ATM: variants seen among roughly 807,000 people sequenced by gnomAD.
The protein encoded by ATM is ATM serine/threonine kinase.
In ATM, 308 loss-of-function variants were observed where a neutral mutation model predicts 387.0. The ratio of observed to expected loss-of-function variants is 0.80; its 90% CI spans 0.73 to 0.87. The LOEUF (loss-of-function observed/expected upper bound fraction) is 0.87, where lower values mean the gene tolerates loss of function less well. Ranked by LOEUF, ATM falls within the 40% of genes least tolerant of loss-of-function variation. The pLI is 0.00. For missense variants in ATM, 3,312 were observed against 3,560.9 expected, an observed-to-expected ratio of 0.93 and a Z score of 1.78; for synonymous variants, 1,156 against 1,187.3, an observed-to-expected ratio of 0.97 and a Z score of 0.54.
At chr11:108,322,607 A>G (rs1312139907) in intron 45 of ATM, among the ~76,000 whole-genome samples, 2 of 152,238 alleles carry the variant, frequency 1.3e-5, no homozygotes, top group Non-Finnish European at 2.9e-5. Context: ...ATGAAATAGT[A>G]TAGTTACTCA....
chr11:108,273,051 G>T (rs2081690491), intron 22 of ATM, among the ~76,000 whole-genome samples, 199 bp downstream of exon 22: 1 of 152,118 alleles, frequency 6.6e-6, no homozygotes, highest in Admixed American at 6.5e-5. Context: ...ATTTATAAAT[G>T]AAAACTGTGA....
intron 15 of ATM, 61 bp from the exon 16 acceptor site, chr11:108,258,925 C>A (rs2135419413): frequency 7.4e-7 from 1 of 1,358,414 alleles, no homozygotes; most frequent in Non-Finnish European, 1.0e-6. Flanking sequence ...AAAACACTGT[C>A]TGCCAAGAAT....
intron 54 of ATM, 35 bp downstream of exon 54, chr11:108,334,003 T>G (rs2086566038): frequency 7.9e-6 from 12 of 1,518,544 alleles, no homozygotes; most frequent in East Asian, 2.3e-5. Context: ...TTTTTTAAAC[T>G]AAATTTTTTT....
chr11:108,286,817 G>A (rs1325668094), intron 26 of ATM, among the ~76,000 whole-genome samples: 1 of 152,056 alleles, frequency 6.6e-6, no homozygotes, highest in Non-Finnish European at 1.5e-5. Flanking sequence ...TTTGTTATTA[G>A]GAAGTATGTT....
chr11:108,228,975 T>C (rs2078873084), intron 3 of ATM, among the ~76,000 whole-genome samples: 4 of 152,220 alleles, frequency 2.6e-5, no homozygotes, highest in Admixed American at 2.6e-4. Context: ...TTAAGAGCTT[T>C]GCAGACCAGA....
At chr11:108,355,013 T>C in intron 61 of ATM, 139 bp downstream of exon 61, 1 of 747,910 alleles carries the variant, frequency 1.3e-6, no homozygotes, top group Non-Finnish European at 2.3e-6. Flanking sequence ...AGGAGGAGAT[T>C]GTGCACTTAG....
At chr11:108,266,193 A>C (rs1237700818) in intron 16 of ATM, among the ~76,000 whole-genome samples, 1 of 149,228 alleles carries the variant, frequency 6.7e-6, no homozygotes, top group Non-Finnish European at 1.5e-5. Flanking sequence ...ACGTATGTTT[A>C]TTGTGGCATT....
rs1429589119 is a variant in ATM, at chr11:108,271,053, T to A, written c.2839-11T>A. The A allele has an allele frequency of 2.5e-6, 4 of 1,610,900 alleles. No individual in the cohort carries two copies. Among genetic ancestry groups the A allele is most frequent in the Non-Finnish European group, 2.5e-6 (3 of 1,177,174 alleles). ...GGATAAACCTGATTTTTTTCCCTCC[T>A]ACCATCTTAGTATCTAATGCTTTTA... On this transcript the variant is annotated splice_polypyrimidine_tract_variant and intron_variant, in intron 18 of 62. Transcript: ENST00000675843.
At chr11:108,314,919 T>A (rs888410172) in intron 40 of ATM, among the ~76,000 whole-genome samples, 6 of 152,208 alleles carry the variant, frequency 3.9e-5, no homozygotes, top group Non-Finnish European at 8.8e-5. Context: ...CTGTCTGAAA[T>A]TGTAGGCAAC....
chr11:108,339,558 G>T (rs1205192710), intron 56 of ATM, among the ~76,000 whole-genome samples: 1 of 152,090 alleles, frequency 6.6e-6, no homozygotes, highest in African/African-American at 2.4e-5. Context: ...CAGATACCCA[G>T]TTGAAATCTT....
rs181272350 is a variant in ATM, at chr11:108,296,427, T to A, written c.4910-860T>A. The stretch of plus-strand genomic sequence containing the variant: ...CACCATGCCCAGCTAATTTTTTGTA[T>A]CTTTAGTAGAGACGGGGTTTCACCA... On this transcript the variant is annotated intron_variant, in intron 32 of 62. Transcript: ENST00000675843. Among the ~76,000 whole-genome samples the A allele has an allele frequency of 1.6e-4, 24 of 152,080 alleles. No homozygotes were observed. The East Asian group carries it at 4.7e-3, about 30-fold the overall frequency.
In ATM at chr11:108,297,357, C is replaced by A. The variant is rs144338238; in HGVS notation, c.4980C>A (p.Asn1660Lys). The A allele has an allele frequency of 6.2e-7, 1 of 1,613,974 alleles. No individual in the cohort carries two copies. Among genetic ancestry groups the A allele is most frequent in the South Asian group, 1.1e-5 (1 of 91,080 alleles). The change falls in exon 33 of 63, where the codon AAC (asparagine) becomes AAA (lysine). Residue 1660 changes from asparagine to lysine, a missense_variant. Asn to Lys is a moderately conservative substitution (Grantham distance 94). Transcript: ENST00000675843. ...TGCAGTTATCCAAGATGGCAATAAACCACACTGGTGAAAAAGAAGTTCTAG... is the reference window on the plus strand; with the variant it reads ...TGCAGTTATCCAAGATGGCAATAAAACACACTGGTGAAAAAGAAGTTCTAG... ...NLLQLSKMAINHTGEKEVLEA... is the reference protein window; with the variant it reads ...NLLQLSKMAIKHTGEKEVLEA...
chr11:108,250,698 T>TC lies in ATM; in HGVS notation c.1236-3_1236-2insC, dbSNP rs730881281. 1 of 1,601,062 alleles carries TC rather than the reference T, an allele frequency of 6.2e-7. No individual in the cohort carries two copies. Among genetic ancestry groups the TC allele is most frequent in the Non-Finnish European group, 8.5e-7 (1 of 1,177,934 alleles). On this transcript the variant is annotated splice_polypyrimidine_tract_variant and splice_region_variant and intron_variant, in intron 9 of 62. Coordinates refer to ENST00000675843, the MANE Select transcript of ATM (RefSeq NM_000051.4). ...TCAAATTATCCTTTTTTTTTTTTTT[T>TC]AGGCTACAGATTGCAACCCAATTAA...
At chr11:108,365,031 T>G (rs1351257434) in intron 61 of ATM, 51 bp from the exon 62 acceptor site, 10 of 1,594,542 alleles carry the variant, frequency 6.3e-6, no homozygotes, top group Non-Finnish European at 8.6e-6. Flanking sequence ...TTTCTAAGTA[T>G]GTGATTAAAA....
chr11:108,300,630 C>T (rs111716860), intron 34 of ATM, among the ~76,000 whole-genome samples: 4 of 152,010 alleles, frequency 2.6e-5, no homozygotes, highest in African/African-American at 4.8e-5. Context: ...GCCATGTTTC[C>T]GTTATTGATT....
At chr11:108,288,220 C>G (rs1237242925) in intron 27 of ATM, among the ~76,000 whole-genome samples, 1 of 151,998 alleles carries the variant, frequency 6.6e-6, no homozygotes, top group Non-Finnish European at 1.5e-5. Flanking sequence ...ACGACAGATG[C>G]ACATCACTGC....
intron 61 of ATM, among the ~76,000 whole-genome samples, chr11:108,364,007 G>A (rs968779986): frequency 6.6e-6 from 1 of 152,070 alleles, no homozygotes. Context: ...AGTCACATAG[G>A]AAACCTTGAA....
Position 108,332,785 on chromosome 11 carries a change from A to C in ATM, c.7812A>C (p.Arg2604Ser), listed in dbSNP as rs1484346818. ...AGGATCGAACAGAGGCTGCAAATAG[A>C]ATAATATGTACTATCAGAAGTAGGA... The part of the protein sequence containing the change: ...LDEDRTEAAN[R>S]IICTIRSRRP... The change falls in exon 53 of 63, where the codon AGA (arginine) becomes AGC (serine). Residue 2604 changes from arginine to serine, a missense_variant. By Grantham distance (110) the Arg-to-Ser change is moderately radical (BLOSUM62 -1). Around this residue, in one of 4 missense-constraint regions of ATM, gnomAD observed 1,405 missense variants for 1,604.4 expected, o/e 0.88. Coordinates refer to ENST00000675843, the MANE Select transcript of ATM (RefSeq NM_000051.4). 6.2e-7 allele frequency: 1 copy of C among 1,613,280 alleles called. No individual in the cohort carries two copies. Among genetic ancestry groups the C allele is most frequent in the South Asian group, 1.1e-5 (1 of 91,072 alleles).
intron 1 of ATM, 51 bp from the exon 2 acceptor site, chr11:108,227,544 A>G (rs1039736256): frequency 2.7e-6 from 3 of 1,128,428 alleles, no homozygotes; most frequent in Non-Finnish European, 2.7e-6. Flanking sequence ...TTCTCTCTAT[A>G]TATGCATATA....
Sources: allele counts gnomAD v4.1 joint callset (sites outside exome capture counted in the v4.1 genomes callset), GRCh38; gene constraint gnomAD v4.1.1; regional missense constraint gnomAD v4.1.1; transcripts MANE v1.5; gene names NCBI Gene and HGNC (gene_info 2026-07-23, HGNC 2026-07-21).